Variants in CSMD1 observed in about 807,000 individuals in gnomAD.
CSMD1 encodes CUB and sushi domain-containing protein 1.
CSMD1 carries 213 observed loss-of-function variants against 417.5 expected under a neutral mutation model. The ratio of observed to expected loss-of-function variants is 0.51; its 90% confidence interval spans 0.46 to 0.57. CSMD1 has a LOEUF of 0.57. Among genes scored for constraint, CSMD1 ranks in the 20% least tolerant of loss-of-function variants. The pLI is 0.00. For synonymous variants in CSMD1, 2,862 were observed against 1,736.8 expected (o/e 1.65, Z -16.11); for missense variants, 6,923 against 4,529.7 (o/e 1.53, Z -15.17).
At chr8:3,785,801 G>A (rs572114630) in intron 5 of CSMD1, among the ~76,000 whole-genome samples, 4 of 152,300 alleles carry the variant, frequency 2.6e-5, no homozygotes, top group South Asian at 4.2e-4. Flanking sequence ...TCCAGGCTGC[G>A]GAAGAGCTAT....
At chr8:4,233,560 G>C (rs570018449) in intron 3 of CSMD1, among the ~76,000 whole-genome samples, 1 of 152,092 alleles carries the variant, frequency 6.6e-6, no homozygotes, top group Non-Finnish European at 1.5e-5. Context: ...ACTGTCTGAG[G>C]ACACAGGGAG....
chr8:3,537,744 TA>T (rs1216909276), intron 10 of CSMD1, among the ~76,000 whole-genome samples: 1 of 152,192 alleles, frequency 6.6e-6, no homozygotes, highest in African/African-American at 2.4e-5. Flanking sequence ...AGTTTTTAAC[TA>T]TTTTATTTAG....
intron 4 of CSMD1, among the ~76,000 whole-genome samples, chr8:4,011,231 A>G (rs1816511492): frequency 6.6e-6 from 1 of 152,152 alleles, no homozygotes; most frequent in African/African-American, 2.4e-5. Flanking sequence ...TCTCTGATCA[A>G]GTTTTTAAGC....
At chr8:4,671,309 C>T (rs1379913945) in intron 1 of CSMD1, among the ~76,000 whole-genome samples, 1 of 152,112 alleles carries the variant, frequency 6.6e-6, no homozygotes, top group African/African-American at 2.4e-5. Flanking sequence ...GCTAACATGG[C>T]AATTCTTTAT....
intron 5 of CSMD1, among the ~76,000 whole-genome samples, chr8:3,888,929 T>C (rs376976336): frequency 6.6e-6 from 1 of 152,318 alleles, no homozygotes; most frequent in Admixed American, 6.5e-5. Context: ...TTATACCATT[T>C]AGGTTTATGT....
At chr8:3,565,077 TTAAAA>T (rs1300280317) in intron 10 of CSMD1, among the ~76,000 whole-genome samples, 5 of 94,800 alleles carry the variant, frequency 5.3e-5, no homozygotes, top group Non-Finnish European at 1.0e-4. Context: ...ACCCCTGAAC[TTAAAA>T]TAAATATTGA....
chr8:3,589,711 C>T (rs190162876), intron 8 of CSMD1, among the ~76,000 whole-genome samples: 3 of 152,194 alleles, frequency 2.0e-5, no homozygotes, highest in Admixed American at 2.0e-4. Context: ...TTAATAACAG[C>T]ATATTGTATA....
chr8:3,473,135 T>C (rs1483923169), intron 11 of CSMD1, among the ~76,000 whole-genome samples: 2 of 152,212 alleles, frequency 1.3e-5, no homozygotes, highest in Non-Finnish European at 2.9e-5. Context: ...ATTCAACTAC[T>C]TTAGACATAC....
At chr8:3,458,686 T>C (rs1264815162) in intron 12 of CSMD1, among the ~76,000 whole-genome samples, 1 of 152,236 alleles carries the variant, frequency 6.6e-6, no homozygotes, top group African/African-American at 2.4e-5. Flanking sequence ...ACACATATAA[T>C]CTATTAATTT....
At chr8:4,848,850 A>G (rs1459663518) in intron 1 of CSMD1, among the ~76,000 whole-genome samples, 2 of 152,232 alleles carry the variant, frequency 1.3e-5, no homozygotes, top group Admixed American at 1.3e-4. Flanking sequence ...AACCCAGTAC[A>G]TAATACTTAA....
intron 2 of CSMD1, among the ~76,000 whole-genome samples, chr8:4,553,081 T>C (rs1471047408): frequency 6.6e-6 from 1 of 152,206 alleles, no homozygotes; most frequent in African/African-American, 2.4e-5. Context: ...ACTCTCTAGG[T>C]ACCAATTACT....
chr8:3,941,851 T>A (rs1156897949), intron 5 of CSMD1, among the ~76,000 whole-genome samples: 1 of 151,994 alleles, frequency 6.6e-6, no homozygotes, highest in Admixed American at 6.6e-5. Context: ...ACCAAAAGGG[T>A]CCCCAACCCT....
At chr8:2,979,854 T>C (rs1450993863) in intron 54 of CSMD1, among the ~76,000 whole-genome samples, 2 of 152,230 alleles carry the variant, frequency 1.3e-5, no homozygotes, top group African/African-American at 2.4e-5. Flanking sequence ...AAGCCATGTG[T>C]GAAGTTCGGG....
chr8:4,282,413 G>A (rs1054405392), intron 3 of CSMD1, among the ~76,000 whole-genome samples: 1 of 152,138 alleles, frequency 6.6e-6, no homozygotes, highest in African/African-American at 2.4e-5. Context: ...AACATCCCAA[G>A]GATGTCCTCT....
chr8:3,277,087 A>T (rs1189606429), intron 26 of CSMD1, among the ~76,000 whole-genome samples: 3 of 152,150 alleles, frequency 2.0e-5, no homozygotes, highest in African/African-American at 7.2e-5. Flanking sequence ...CCAGTGTGTA[A>T]CAGGAACACA....
At chr8:4,859,608 C>G (rs1259814340) in intron 1 of CSMD1, among the ~76,000 whole-genome samples, 1 of 152,066 alleles carries the variant, frequency 6.6e-6, no homozygotes, top group East Asian at 1.9e-4. Flanking sequence ...AGGACATGAA[C>G]AGACACTTCT....
chr8:3,162,585 G>C (rs908200683), intron 37 of CSMD1, among the ~76,000 whole-genome samples: 2 of 151,796 alleles, frequency 1.3e-5, no homozygotes, highest in African/African-American at 4.8e-5. Context: ...ATTGTAAAAA[G>C]TCTCTTCAAA....
intron 2 of CSMD1, among the ~76,000 whole-genome samples, chr8:4,451,566 G>A (rs1341258982): frequency 6.6e-6 from 1 of 152,154 alleles, no homozygotes; most frequent in African/African-American, 2.4e-5. Flanking sequence ...GAGCGATAGA[G>A]TGAAGACAAA....
At chr8:3,259,038 A>C (rs974119640) in intron 26 of CSMD1, among the ~76,000 whole-genome samples, 1 of 152,132 alleles carries the variant, frequency 6.6e-6, no homozygotes, top group Non-Finnish European at 1.5e-5. Context: ...GCACAAAGGT[A>C]CTCCAGAGCT....
Sources: allele counts gnomAD v4.1 joint callset (sites outside exome capture counted in the v4.1 genomes callset), GRCh38; gene constraint gnomAD v4.1.1; transcripts MANE v1.5; gene names NCBI Gene and HGNC (gene_info 2026-07-23, HGNC 2026-07-21).